Variants in NFATC2 observed in about 807,000 individuals in gnomAD.
The protein encoded by NFATC2 is nuclear factor of activated T cells 2.
In NFATC2, 22 loss-of-function variants were observed where a neutral mutation model predicts 87.3. The observed-to-expected ratio is 0.25, with a 90% CI of 0.18 to 0.36. The LOEUF (loss-of-function observed/expected upper bound fraction) is 0.36, where lower values mean the gene tolerates loss of function less well. Among genes scored for constraint, NFATC2 ranks in the 10% least tolerant of loss-of-function variants. The pLI, the probability that NFATC2 is intolerant of heterozygous loss-of-function variation, is 1.00. For synonymous variants in NFATC2, 565 were observed against 542.2 expected (o/e 1.04, Z -0.58); for missense variants, 1,149 against 1,259.1 (o/e 0.91, Z 1.32).
intron 9 of NFATC2, among the ~76,000 whole-genome samples, chr20:51,410,692 C>G (rs1029186732): frequency 2.6e-5 from 4 of 152,006 alleles, no homozygotes; most frequent in African/African-American, 9.7e-5. Flanking sequence ...TTTGCACCCA[C>G]CATACAAGAG....
rs147454256 is a variant in NFATC2, at chr20:51,480,866, G to C, written c.1333-5206C>G. The stretch of plus-strand genomic sequence containing the variant: ...GGATGACGCAAATCGAAACAGGGAG[G>C]TGATATTACAGAACTGAATGGAAGG... On this transcript the variant is annotated intron_variant, in intron 3 of 10. Transcript: ENST00000371564. This position sits in a 1 kb window ranked among gnomAD's most constrained non-coding sequence, Gnocchi z 4.2. Among the ~76,000 whole-genome samples the C allele has an allele frequency of 7.2e-5, 11 of 152,290 alleles. No individual in the cohort carries two copies. The highest frequency in any genetic ancestry group is 2.6e-4 in the African/African-American group (11 of 41,572).
chr20:51,525,237 C>G (rs536770043), intron 1 of NFATC2, among the ~76,000 whole-genome samples: 1 of 152,078 alleles, frequency 6.6e-6, no homozygotes. Flanking sequence ...AAATAAAATA[C>G]ACTAAAATAA....
At chr20:51,514,613 C>T (rs894996501) in intron 3 of NFATC2, among the ~76,000 whole-genome samples, 7 of 152,182 alleles carry the variant, frequency 4.6e-5, no homozygotes, top group African/African-American at 1.7e-4. Flanking sequence ...TGGCTCACGC[C>T]TATAATCCCA....
chr20:51,528,535 C>A (rs563550759), intron 1 of NFATC2, among the ~76,000 whole-genome samples: 20 of 152,260 alleles, frequency 1.3e-4, no homozygotes, highest in African/African-American at 4.8e-4. Context: ...GACAGATGTA[C>A]ACGCACAGCT....
At chr20:51,500,416 T>A (rs1332083240) in intron 3 of NFATC2, among the ~76,000 whole-genome samples, 1 of 152,016 alleles carries the variant, frequency 6.6e-6, no homozygotes, top group African/African-American at 2.4e-5. Flanking sequence ...AACTCCCACC[T>A]CAAAGTGAAC....
chr20:51,496,819 TG>T (rs1197514232), intron 3 of NFATC2, among the ~76,000 whole-genome samples: 3 of 152,194 alleles, frequency 2.0e-5, no homozygotes, highest in African/African-American at 7.2e-5. Flanking sequence ...TTTTCCCGTC[TG>T]TTTCTCCCAG....
In NFATC2 at chr20:51,496,949, G is replaced by A. The variant is rs77529974; in HGVS notation, c.1332+19835C>T. ...CATTGCTGCCTATCCTGGCTGCCGC[G>A]ACAGCCCTGGAAGGCCCCAGGCAGG... On this transcript the variant is annotated intron_variant, in intron 3 of 10. Transcript: ENST00000371564. Among the ~76,000 whole-genome samples, 1,200 of 152,298 alleles carry A rather than the reference G, an allele frequency of 7.9e-3. 11 individuals carry two copies. The highest frequency in any genetic ancestry group is 0.027 in the African/African-American group (1,137 of 41,560).
At chr20:51,405,383 C>T (rs1988457123) in intron 9 of NFATC2, among the ~76,000 whole-genome samples, 1 of 152,146 alleles carries the variant, frequency 6.6e-6, no homozygotes, top group Non-Finnish European at 1.5e-5. Context: ...AACACATTCA[C>T]CTCGAGTTCC....
At chr20:51,554,366 G>A (rs762053488) in intron 1 of NFATC2, among the ~76,000 whole-genome samples, 17 of 152,170 alleles carry the variant, frequency 1.1e-4, no homozygotes, top group Non-Finnish European at 1.6e-4. Flanking sequence ...CTCTGCATCT[G>A]TTAGACTCTC....
intron 10 of NFATC2, among the ~76,000 whole-genome samples, chr20:51,393,295 G>A (rs1986584639): frequency 6.6e-6 from 1 of 152,050 alleles, no homozygotes; most frequent in Non-Finnish European, 1.5e-5. Context: ...TTCCTCATCT[G>A]TAAATTGCAT....
intron 1 of NFATC2, among the ~76,000 whole-genome samples, chr20:51,530,929 T>C (rs915740445): frequency 6.6e-6 from 1 of 152,234 alleles, no homozygotes; most frequent in East Asian, 1.9e-4. Flanking sequence ...CTGAGGTTCT[T>C]AGAGGCAGAT....
At position 51,391,288 on chromosome 20, in the gene NFATC2, G is replaced by T; in HGVS notation, c.*208C>A. ...GCTTAGTGCCCATACATTGATCCGCGTGTGGACTCCGGGCTGGGAGATGAA... is the reference window on the plus strand; with the variant it reads ...GCTTAGTGCCCATACATTGATCCGCTTGTGGACTCCGGGCTGGGAGATGAA... On this transcript the variant is annotated 3_prime_UTR_variant, in exon 11 of 11. Coordinates refer to ENST00000371564, the MANE Select transcript of NFATC2 (RefSeq NM_012340.5). 1 of 1,179,164 alleles carries T rather than the reference G, an allele frequency of 8.5e-7. No individual in the cohort carries two copies. Among genetic ancestry groups the T allele is most frequent in the Non-Finnish European group, 1.3e-6 (1 of 784,170 alleles). 73.0% of individuals were successfully genotyped at this position (1,179,164 alleles called of 1,614,324 possible).
intron 3 of NFATC2, among the ~76,000 whole-genome samples, chr20:51,513,779 T>C (rs2076308576): frequency 6.6e-6 from 1 of 152,100 alleles, no homozygotes; most frequent in African/African-American, 2.4e-5. Context: ...AGGATTTAGC[T>C]CCCATGAGGT....
At chr20:51,484,773 C>T (rs186786448) in intron 3 of NFATC2, among the ~76,000 whole-genome samples, 8 of 152,314 alleles carry the variant, frequency 5.3e-5, no homozygotes, top group Admixed American at 2.6e-4. Context: ...TGCCCTGTTC[C>T]GAACAGAGGT....
chr20:51,419,055 G>A (rs1044819022), intron 9 of NFATC2, among the ~76,000 whole-genome samples: 1 of 151,932 alleles, frequency 6.6e-6, no homozygotes, highest in Non-Finnish European at 1.5e-5. Flanking sequence ...TACGCTCCCT[G>A]AAGGCAGAGA....
intron 2 of NFATC2, 128 bp downstream of exon 2, chr20:51,522,953 G>C (rs1002115267): frequency 3.0e-6 from 4 of 1,323,424 alleles, no homozygotes; most frequent in African/African-American, 2.9e-5. Flanking sequence ...AACCAGCAAG[G>C]GGCCAAGCCA....
chr20:51,558,698 G>C (rs1185342383), intron 1 of NFATC2, among the ~76,000 whole-genome samples: 1 of 152,170 alleles, frequency 6.6e-6, no homozygotes, highest in Non-Finnish European at 1.5e-5. Context: ...GTTAAAGCCT[G>C]GCCCAGCAGA....
Position 51,391,365 on chromosome 20 carries a change from T to C in NFATC2, c.*131A>G, listed in dbSNP as rs756124765. The C allele has an allele frequency of 6.2e-7, 1 of 1,607,800 alleles. No individual in the cohort carries two copies. On this transcript the variant is annotated 3_prime_UTR_variant, in exon 11 of 11. Coordinates refer to ENST00000371564, the MANE Select transcript of NFATC2 (RefSeq NM_012340.5). ...CTGTGGAGGGCTCCGAGGGGTCAGA[T>C]ACAGAAGGTGTCTTGCTATAATGGC...
chr20:51,490,808 T>C (rs754714230), intron 3 of NFATC2, among the ~76,000 whole-genome samples: 6 of 152,156 alleles, frequency 3.9e-5, no homozygotes, highest in Non-Finnish European at 8.8e-5. Context: ...TTATAAATGT[T>C]AAAAATGCTG....
Sources: gnomAD v4.1 joint callset for allele counts (sites outside exome capture counted in the v4.1 genomes callset) on GRCh38, gnomAD v4.1.1 for gene constraint, Gnocchi (gnomAD v3.1) non-coding constraint, MANE v1.5 for transcripts, NCBI Gene and HGNC (gene_info 2026-07-23, HGNC 2026-07-21) for gene names.